Variants in SDC2 observed in about 807,000 individuals in gnomAD.
SDC2 encodes syndecan 2.
A neutral mutation model predicts 22.2 loss-of-function variants in SDC2; 13 were observed. That is an observed-to-expected ratio of 0.59 (90% confidence interval 0.38 to 0.93). The LOEUF (loss-of-function observed/expected upper bound fraction) is 0.93. SDC2 is among the 40% of genes least tolerant of loss of function. The probability of loss-of-function intolerance (pLI) is 0.00; values close to 1 mark genes in which losing one functional copy is unlikely to be tolerated. For missense variants in SDC2, 235 were observed against 246.8 expected (o/e 0.95, Z 0.32); for synonymous variants, 94 against 92.8 (o/e 1.01, Z -0.07).
intron 1 of SDC2, among the ~76,000 whole-genome samples, chr8:96,574,247 T>A (rs760604097): frequency 6.6e-4 from 101 of 152,210 alleles, no homozygotes; most frequent in Non-Finnish European, 1.3e-3. Flanking sequence ...ACAGACTAGA[T>A]CTTCATGGGG....
chr8:96,592,724 AT>A (rs1407684933), intron 1 of SDC2, among the ~76,000 whole-genome samples: 2 of 152,202 alleles, frequency 1.3e-5, no homozygotes, highest in Non-Finnish European at 2.9e-5. Flanking sequence ...TAAGCGTGTG[AT>A]TTGCTATTAC....
chr8:96,494,803 G>C (rs1344267371), intron 1 of SDC2, among the ~76,000 whole-genome samples: 6 of 152,196 alleles, frequency 3.9e-5, no homozygotes, highest in Non-Finnish European at 8.8e-5. Context: ...TTTCCTGTTT[G>C]ACTGCATGCA....
At chr8:96,599,492 C>G (rs553879742) in intron 2 of SDC2, among the ~76,000 whole-genome samples, 1 of 152,048 alleles carries the variant, frequency 6.6e-6, no homozygotes, top group South Asian at 2.1e-4. Context: ...AATTAGGTCA[C>G]CTGATAAAAC....
chr8:96,496,277 C>T (rs1415174809), intron 1 of SDC2, among the ~76,000 whole-genome samples: 1 of 152,246 alleles, frequency 6.6e-6, no homozygotes, highest in Non-Finnish European at 1.5e-5. Flanking sequence ...CCGGTGACAG[C>T]TTTCCCCTGA....
chr8:96,531,195 G>A (rs559256428), intron 1 of SDC2, among the ~76,000 whole-genome samples: 3 of 152,276 alleles, frequency 2.0e-5, no homozygotes, highest in African/African-American at 7.2e-5. Context: ...GATTGTTCAA[G>A]GTTACACAGT....
rs570636016 is a variant in SDC2, at chr8:96,533,026, G to A, written c.60+38695G>A. 2.7e-3 allele frequency among the ~76,000 whole-genome samples: 404 copies of A among 152,302 alleles called. 4 individuals carry two copies. Among genetic ancestry groups the A allele is most frequent in the African/African-American group, 8.7e-3 (363 of 41,550 alleles). ...GAATGTTGTAGTTCTTAAAGGCAGCGTGTCCAGAGTTTGTTCCTTCTGATG... is the reference window on the plus strand; with the variant it reads ...GAATGTTGTAGTTCTTAAAGGCAGCATGTCCAGAGTTTGTTCCTTCTGATG... On this transcript the variant is annotated intron_variant, in intron 1 of 4. Transcript: ENST00000302190.
chr8:96,556,034 T>TCACACACA (rs35496391), intron 1 of SDC2, among the ~76,000 whole-genome samples: 1 of 143,576 alleles, frequency 7.0e-6, no homozygotes, highest in Non-Finnish European at 1.5e-5. Context: ...TATTAGAATA[T>TCACACACA]CACACACACA....
rs550297504 is a variant in SDC2, at chr8:96,559,852, T to A, written c.61-33628T>A. On this transcript the variant is annotated intron_variant, in intron 1 of 4. Transcript: ENST00000302190. ...ACTTCCTAATGTGAAATGAATTGTCTGTTTTGGAACAAAACACCTAGGCTA... is the reference window on the plus strand; with the variant it reads ...ACTTCCTAATGTGAAATGAATTGTCAGTTTTGGAACAAAACACCTAGGCTA... Among the ~76,000 whole-genome samples the A allele has an allele frequency of 2.6e-5, 4 of 152,326 alleles. No individual in the cohort carries two copies. In the South Asian group the frequency reaches 8.3e-4, roughly 32 times the overall value.
In SDC2 at chr8:96,602,546, T is replaced by C; in HGVS notation, c.306+18T>C. On this transcript the variant is annotated intron_variant, in intron 3 of 4. Transcript: ENST00000302190. ...AGACAAAGGTGCGTTCTATTTTCCATTGCATTGCATTATCAGGTTATTACA... is the reference window on the plus strand; with the variant it reads ...AGACAAAGGTGCGTTCTATTTTCCACTGCATTGCATTATCAGGTTATTACA... 1 of 1,613,468 alleles carries C rather than the reference T, an allele frequency of 6.2e-7. No homozygotes were observed. The highest frequency in any genetic ancestry group is 1.3e-5 in the African/African-American group (1 of 75,038).
intron 1 of SDC2, among the ~76,000 whole-genome samples, chr8:96,565,187 C>G (rs12334565): frequency 0.014 from 2,038 of 148,602 alleles, 45 homozygotes; most frequent in African/African-American, 0.049. Context: ...CGGGTTCAAG[C>G]AATTCCCCTG....
At chr8:96,530,850 C>CT (rs1813650575) in intron 1 of SDC2, among the ~76,000 whole-genome samples, 1 of 152,334 alleles carries the variant, frequency 6.6e-6, no homozygotes, top group Admixed American at 6.5e-5. Context: ...CTCAGGAAGC[C>CT]TTAAAATCTC....
At chr8:96,536,288 G>A (rs1443761027) in intron 1 of SDC2, among the ~76,000 whole-genome samples, 1 of 152,016 alleles carries the variant, frequency 6.6e-6, no homozygotes, top group African/African-American at 2.4e-5. Context: ...GATGATTCAG[G>A]AATATTTCTT....
chr8:96,572,999 G>A (rs1814421888), intron 1 of SDC2, among the ~76,000 whole-genome samples: 3 of 152,184 alleles, frequency 2.0e-5, no homozygotes, highest in African/African-American at 7.2e-5. Flanking sequence ...GGAAAACTGT[G>A]TGACCTCCCC....
At chr8:96,550,590 A>G (rs1029372004) in intron 1 of SDC2, among the ~76,000 whole-genome samples, 2 of 152,158 alleles carry the variant, frequency 1.3e-5, no homozygotes, top group Admixed American at 1.3e-4. Context: ...TCTCTCCAGC[A>G]TGTCCATTGA....
At chr8:96,530,175 G>T (rs1051000328) in intron 1 of SDC2, among the ~76,000 whole-genome samples, 2 of 152,136 alleles carry the variant, frequency 1.3e-5, no homozygotes, top group Non-Finnish European at 1.5e-5. Context: ...TTCTCTGATT[G>T]TGATTGTTTT....
chr8:96,504,799 T>C (rs1813213816), intron 1 of SDC2, among the ~76,000 whole-genome samples: 1 of 152,170 alleles, frequency 6.6e-6, no homozygotes, highest in Non-Finnish European at 1.5e-5. Context: ...TATTTTGTAT[T>C]TTTTTTGTGT....
chr8:96,506,480 G>A (rs932379928), intron 1 of SDC2, among the ~76,000 whole-genome samples: 2 of 151,718 alleles, frequency 1.3e-5, no homozygotes, highest in African/African-American at 2.4e-5. Flanking sequence ...ATATGTATCC[G>A]GTGAAAACTT....
chr8:96,602,657 C>A, intron 3 of SDC2, 129 bp downstream of exon 3: 1 of 964,434 alleles, frequency 1.0e-6, no homozygotes, highest in Non-Finnish European at 1.5e-6. Context: ...ACTATGTACA[C>A]AACAGTTCTT....
intron 1 of SDC2, among the ~76,000 whole-genome samples, chr8:96,581,459 G>A (rs1391060150): frequency 1.3e-5 from 2 of 151,920 alleles, no homozygotes; most frequent in African/African-American, 4.8e-5. Flanking sequence ...GTGAAACCCC[G>A]TCTCTACTAA....
Sources: allele counts gnomAD v4.1 joint callset (sites outside exome capture counted in the v4.1 genomes callset), GRCh38; gene constraint gnomAD v4.1.1; transcripts MANE v1.5; gene names NCBI Gene and HGNC (gene_info 2026-07-23, HGNC 2026-07-21).